Variants in DIPK2A observed in about 807,000 individuals in gnomAD.
The protein encoded by DIPK2A is Golgi Protein of 49 kDa.
DIPK2A carries 27 observed loss-of-function variants against 39.0 expected under a neutral mutation model. The observed-to-expected ratio is 0.69, with a 90% CI of 0.51 to 0.96. DIPK2A has a LOEUF of 0.96. DIPK2A is among the 40% of genes least tolerant of loss of function. The probability of loss-of-function intolerance (pLI) is 0.00; values close to 1 mark genes in which losing one functional copy is unlikely to be tolerated. For synonymous variants in DIPK2A, 298 were observed against 240.8 expected (o/e 1.24, Z -2.20); for missense variants, 528 against 571.3 (o/e 0.92, Z 0.77).
At chr3:143,985,161 C>T (rs2087880745) in intron 1 of DIPK2A, among the ~76,000 whole-genome samples, 1 of 152,216 alleles carries the variant, frequency 6.6e-6, no homozygotes, top group African/African-American at 2.4e-5. Context: ...TAATAGGCTG[C>T]AGTGCTATCA....
chr3:143,976,165 C>G (rs1179318368), intron 1 of DIPK2A, among the ~76,000 whole-genome samples: 1 of 151,938 alleles, frequency 6.6e-6, no homozygotes, highest in Non-Finnish European at 1.5e-5. Flanking sequence ...TGGCTTTCTT[C>G]TTATTGTTGG....
chr3:143,989,023 A>C (rs1027849853), intron 2 of DIPK2A, among the ~76,000 whole-genome samples: 2 of 152,234 alleles, frequency 1.3e-5, no homozygotes, highest in African/African-American at 4.8e-5. Flanking sequence ...CTCTAGCCAC[A>C]GTGAACTTAT....
intron 1 of DIPK2A, among the ~76,000 whole-genome samples, chr3:143,976,726 C>T (rs1326414007): frequency 6.6e-6 from 1 of 151,952 alleles, no homozygotes; most frequent in African/African-American, 2.4e-5. Context: ...ATTTGTGGAA[C>T]TTCATTTGCC....
rs548565781 is a variant in DIPK2A, at chr3:143,973,342, C to T, written c.657+353C>T. On this transcript the variant is annotated intron_variant, in intron 1 of 2. Transcript: ENST00000315691. ...GCCTTTCTGCTTTTATCTGCCGGGG[C>T]TTGCAGGTCCGCGGCGCAGACTGTT... 5 of 1,542,396 alleles carry T rather than the reference C, an allele frequency of 3.2e-6. No homozygotes were observed. In the East Asian group the frequency reaches 1.2e-4, roughly 38 times the overall value.
At chr3:143,987,281 G>A (rs1455155707) in intron 2 of DIPK2A, among the ~76,000 whole-genome samples, 1 of 152,088 alleles carries the variant, frequency 6.6e-6, no homozygotes, top group Non-Finnish European at 1.5e-5. Flanking sequence ...AATTATTTCA[G>A]TGTTTATAAC....
intron 1 of DIPK2A, among the ~76,000 whole-genome samples, chr3:143,977,015 AACCAT>A (rs2087740215): frequency 6.6e-6 from 1 of 152,070 alleles, no homozygotes; most frequent in Non-Finnish European, 1.5e-5. Context: ...TTTGAATATC[AACCAT>A]ACTTTAGTTA....
At chr3:143,977,126 C>A (rs2107840270) in intron 1 of DIPK2A, among the ~76,000 whole-genome samples, 1 of 152,028 alleles carries the variant, frequency 6.6e-6, no homozygotes, top group Non-Finnish European at 1.5e-5. Flanking sequence ...ATATAGGGAA[C>A]AACATATTTT....
chr3:143,978,670 A>C lies in DIPK2A; in HGVS notation c.657+5681A>C, dbSNP rs373007278. The C allele has an allele frequency of 2.6e-3, 109 of 42,168 alleles. 1 individual carries two copies. The highest frequency in any genetic ancestry group is 0.014 in the Middle Eastern group (1 of 72). 2.6% of individuals were successfully genotyped at this position (42,168 alleles called of 1,614,324 possible). A position where few individuals can be genotyped will look rare whatever the true frequency, so the allele number is the denominator to read the frequency against. On this transcript the variant is annotated intron_variant, in intron 1 of 2. Transcript: ENST00000315691. ...TATATATATATATATCTATATATAG[A>C]TATATATATATCTATATATATATAT... is the stretch of plus-strand genomic sequence containing the variant.
chr3:143,975,053 A>G (rs1214842082), intron 1 of DIPK2A, among the ~76,000 whole-genome samples: 1 of 152,112 alleles, frequency 6.6e-6, no homozygotes, highest in Non-Finnish European at 1.5e-5. Context: ...TTATTTTCTT[A>G]TATATGACAC....
chr3:143,986,722 CAAAAAAA>C (rs11293429), intron 2 of DIPK2A, among the ~76,000 whole-genome samples: 1 of 67,060 alleles, frequency 1.5e-5, no homozygotes, highest in South Asian at 5.5e-4. Flanking sequence ...GACTCCGTCT[CAAAAAAA>C]AAAAAAAAAA....
rs1324118996 is a variant in DIPK2A at position 143,978,623 on chromosome 3, T to G, written c.657+5634T>G. ...CTATCTATATATATATATCTATATC[T>G]ATATATATATATATATCTATATATA... On this transcript the variant is annotated intron_variant, in intron 1 of 2. Transcript: ENST00000315691. 9 of 28,792 alleles carry G rather than the reference T, an allele frequency of 3.1e-4. No individual in the cohort carries two copies. In the African/African-American group the frequency reaches 3.4e-3, roughly 11 times the overall value. 1.8% of individuals were successfully genotyped at this position (28,792 alleles called of 1,614,324 possible). A position where few individuals can be genotyped will look rare whatever the true frequency, so the allele number is the denominator to read the frequency against.
chr3:143,972,374 C>T lies in DIPK2A; in HGVS notation c.42C>T (p.Arg14=), dbSNP rs1182990759. 4.2e-6 allele frequency: 6 copies of T among 1,413,298 alleles called. No homozygotes were observed. The highest frequency in any genetic ancestry group is 3.0e-5 in the Admixed American group (1 of 33,366). 87.5% of individuals were successfully genotyped at this position (1,413,298 alleles called of 1,614,324 possible). The change falls in exon 1 of 3, where the codon CGC becomes CGT. Residue 14 remains arginine, a synonymous_variant. Coordinates refer to ENST00000315691, the MANE Select transcript of DIPK2A (RefSeq NM_173552.5). ...LVPPKLGRLS[R]SLKLAALGSL... Reference sequence around the variant, plus strand: ...CCCCGAAGCTGGGCCGCCTGTCCCGCTCGCTGAAGCTGGCGGCGCTGGGCA... The same window carrying T: ...CCCCGAAGCTGGGCCGCCTGTCCCGTTCGCTGAAGCTGGCGGCGCTGGGCA...
chr3:143,989,858 C>A lies in DIPK2A; in HGVS notation c.*17C>A. On this transcript the variant is annotated 3_prime_UTR_variant, in exon 3 of 3. Coordinates refer to ENST00000315691, the MANE Select transcript of DIPK2A (RefSeq NM_173552.5). ...GTGAGGTAGTCTATGGTGAACTTTT[C>A]TTTTTTTCTCCATTTAAACAGCACT... is the stretch of plus-strand genomic sequence containing the variant. The A allele has an allele frequency of 6.3e-7, 1 of 1,586,346 alleles. No individual in the cohort carries two copies. The highest frequency in any genetic ancestry group is 8.6e-7 in the Non-Finnish European group (1 of 1,160,208).
chr3:143,987,272 A>G (rs2087917216), intron 2 of DIPK2A, among the ~76,000 whole-genome samples: 1 of 152,200 alleles, frequency 6.6e-6, no homozygotes, highest in East Asian at 1.9e-4. Flanking sequence ...GCTTAAAAAA[A>G]TTATTTCAGT....
chr3:143,978,647 T>TAGATATATATATCTATATATAG (rs1428975017), intron 1 of DIPK2A: 2 of 42,766 alleles, frequency 4.7e-5, no homozygotes, highest in Non-Finnish European at 4.0e-5. Flanking sequence ...TATCTATATA[T>TAGATATATATATCTATATATAG]ATATATATAT....
At chr3:143,983,195 A>G (rs1334482614) in intron 1 of DIPK2A, among the ~76,000 whole-genome samples, 4 of 152,212 alleles carry the variant, frequency 2.6e-5, no homozygotes, top group Admixed American at 2.6e-4. Flanking sequence ...GATATTCAGG[A>G]CTTGAACTCA....
At chr3:143,975,512 C>T (rs977558273) in intron 1 of DIPK2A, among the ~76,000 whole-genome samples, 1 of 152,024 alleles carries the variant, frequency 6.6e-6, no homozygotes, top group African/African-American at 2.4e-5. Flanking sequence ...TGATCAAGTA[C>T]AAAAGTTGCT....
intron 2 of DIPK2A, among the ~76,000 whole-genome samples, chr3:143,986,905 A>G (rs993587074): frequency 1.3e-5 from 2 of 152,092 alleles, no homozygotes; most frequent in Admixed American, 6.5e-5. Context: ...TAATATGAGT[A>G]TCTTTTGACA....
chr3:143,972,205 C>T lies in DIPK2A; in HGVS notation c.-128C>T, dbSNP rs555020894. 39 of 834,918 alleles carry T rather than the reference C, an allele frequency of 4.7e-5. No homozygotes were observed. In the East Asian group the frequency reaches 4.9e-4, roughly 10 times the overall value. The allele number at this position is 834,918 out of a possible 1,614,324, so 51.7% of individuals were successfully genotyped here. A position where few individuals can be genotyped will look rare whatever the true frequency, so the allele number is the denominator to read the frequency against. On this transcript the variant is annotated 5_prime_UTR_variant, in exon 1 of 3. Coordinates refer to ENST00000315691, the MANE Select transcript of DIPK2A (RefSeq NM_173552.5). ...TTCCTCTCTCACACACCTACTCCGC[C>T]CTCCGCCCCAGCCCGCGCGCTAGCT... is the stretch of plus-strand genomic sequence containing the variant.
Sources: allele counts gnomAD v4.1 joint callset (sites outside exome capture counted in the v4.1 genomes callset), GRCh38; gene constraint gnomAD v4.1.1; transcripts MANE v1.5; gene names NCBI Gene and HGNC (gene_info 2026-07-23, HGNC 2026-07-21).